The following PTPRT variants were observed in gnomAD, a reference collection of about 807,000 sequenced individuals.
PTPRT encodes receptor-type tyrosine-protein phosphatase T.
A neutral mutation model predicts 176.8 loss-of-function variants in PTPRT; 56 were observed. That is an observed-to-expected ratio of 0.32 (90% CI 0.26 to 0.40). The LOEUF (loss-of-function observed/expected upper bound fraction) is 0.40, where lower values mean the gene tolerates loss of function less well. PTPRT is among the 10% of genes least tolerant of loss of function. The pLI, the probability that PTPRT is intolerant of heterozygous loss-of-function variation, is 1.00. For missense variants in PTPRT, 1,540 were observed against 1,908.2 expected, an observed-to-expected ratio of 0.81 and a Z score of 3.60; for synonymous variants, 783 against 739.0, an observed-to-expected ratio of 1.06 and a Z score of -0.96.
chr20:42,329,908 T>C (rs1193610328), intron 11 of PTPRT, among the ~76,000 whole-genome samples: 1 of 152,136 alleles, frequency 6.6e-6, no homozygotes, highest in Non-Finnish European at 1.5e-5. Flanking sequence ...AATATGAAAA[T>C]ACTTTGAAAA....
At chr20:42,136,936 G>C (rs969188599) in intron 18 of PTPRT, among the ~76,000 whole-genome samples, 1 of 152,172 alleles carries the variant, frequency 6.6e-6, no homozygotes, top group African/African-American at 2.4e-5. Flanking sequence ...TAAGCAGAGA[G>C]GGAGCTGGGG....
chr20:42,715,992 C>T (rs920261979), intron 6 of PTPRT, among the ~76,000 whole-genome samples: 8 of 152,114 alleles, frequency 5.3e-5, no homozygotes, highest in African/African-American at 1.9e-4. Flanking sequence ...CCTAACACTG[C>T]TCTAAAAAAT....
chr20:42,057,576 A>G, the PTPRT span, among the ~76,000 whole-genome samples: 1 of 152,084 alleles, frequency 6.6e-6, no homozygotes, highest in Non-Finnish European at 1.5e-5. Context: ...TTGTTTAAGA[A>G]TGTTTCTAAT....
At chr20:42,085,545 CTA>C (rs1983801395) in intron 28 of PTPRT, among the ~76,000 whole-genome samples, 181 bp downstream of exon 28, 1 of 152,176 alleles carries the variant, frequency 6.6e-6, no homozygotes, top group Non-Finnish European at 1.5e-5. Context: ...CGTTGCATCT[CTA>C]TGTGTTGGAG....
intron 7 of PTPRT, among the ~76,000 whole-genome samples, chr20:42,598,194 G>C (rs1234961529): frequency 6.6e-6 from 1 of 151,158 alleles, no homozygotes; most frequent in Non-Finnish European, 1.5e-5. Context: ...GATGTATTAA[G>C]AGGAAATAGC....
chr20:43,106,827 G>C lies in PTPRT; in HGVS notation c.88+82819C>G, dbSNP rs999735753. 2.0e-5 allele frequency among the ~76,000 whole-genome samples: 3 copies of C among 151,846 alleles called. No individual in the cohort carries two copies. In the South Asian group the frequency reaches 6.2e-4, roughly 32 times the overall value. On this transcript the variant is annotated intron_variant, in intron 1 of 30. Coordinates refer to ENST00000373187, the MANE Select transcript of PTPRT (RefSeq NM_007050.6). ...TTTTTTGAAACGGAGTTTCGCTCTT[G>C]TTGCCTAGGCTAGAGTGCAATGGCA... is the stretch of plus-strand genomic sequence containing the variant.
intron 13 of PTPRT, among the ~76,000 whole-genome samples, chr20:42,272,234 A>G (rs927467696): frequency 6.6e-6 from 1 of 152,248 alleles, no homozygotes; most frequent in Non-Finnish European, 1.5e-5. Flanking sequence ...ATTGGAACAC[A>G]GCTGCACTCA....
chr20:42,427,073 T>C (rs73121645), intron 9 of PTPRT, among the ~76,000 whole-genome samples: 18,422 of 152,174 alleles, frequency 0.12, 1,128 homozygotes, highest in African/African-American at 0.15. Context: ...TCAGTAGCTT[T>C]TAGAAGAATT....
intron 7 of PTPRT, among the ~76,000 whole-genome samples, chr20:42,634,023 A>T (rs369321441): frequency 0.074 from 2,044 of 27,668 alleles, 120 homozygotes; most frequent in South Asian, 0.099. Flanking sequence ...TATATATATA[A>T]TATATATATT....
intron 1 of PTPRT, among the ~76,000 whole-genome samples, chr20:43,131,890 T>C (rs2013656006): frequency 6.6e-6 from 1 of 152,180 alleles, no homozygotes; most frequent in Non-Finnish European, 1.5e-5. Context: ...GTAAACATTT[T>C]ATAGTAAACT....
At chr20:42,267,408 T>C (rs1160950590) in intron 13 of PTPRT, among the ~76,000 whole-genome samples, 2 of 152,210 alleles carry the variant, frequency 1.3e-5, no homozygotes, top group Non-Finnish European at 2.9e-5. Flanking sequence ...TTGAGAAGGA[T>C]CCGTATTGAG....
At chr20:42,652,662 C>T (rs1368249147) in intron 7 of PTPRT, among the ~76,000 whole-genome samples, 4 of 152,118 alleles carry the variant, frequency 2.6e-5, no homozygotes, top group African/African-American at 9.7e-5. Context: ...GACATTGATG[C>T]CTATGGTGCC....
intron 4 of PTPRT, among the ~76,000 whole-genome samples, chr20:42,772,151 A>T (rs1346239947): frequency 6.6e-6 from 1 of 152,226 alleles, no homozygotes; most frequent in Non-Finnish European, 1.5e-5. Context: ...GAGGAAGACA[A>T]AGAGCGGAAG....
At chr20:42,206,240 C>T (rs914931903) in intron 15 of PTPRT, among the ~76,000 whole-genome samples, 1 of 152,192 alleles carries the variant, frequency 6.6e-6, no homozygotes. Context: ...AAAGGCTGAG[C>T]TACATCACAT....
At chr20:42,611,363 G>T (rs1479564456) in intron 7 of PTPRT, among the ~76,000 whole-genome samples, 2 of 152,148 alleles carry the variant, frequency 1.3e-5, no homozygotes, top group Non-Finnish European at 2.9e-5. Flanking sequence ...CCATCCTACT[G>T]GGTGGGGAGG....
At chr20:42,067,252 C>T in the PTPRT span, among the ~76,000 whole-genome samples, 327 of 152,236 alleles carry the variant, frequency 2.1e-3, 2 homozygotes, top group African/African-American at 3.6e-3. Context: ...AGAGCTGGTA[C>T]GGGGAGCTAG....
intron 12 of PTPRT, among the ~76,000 whole-genome samples, chr20:42,297,282 G>A (rs1438925409): frequency 1.3e-5 from 2 of 152,082 alleles, no homozygotes; most frequent in Non-Finnish European, 2.9e-5. Context: ...GAGGACATAA[G>A]GGTAGCAAAA....
intron 11 of PTPRT, among the ~76,000 whole-genome samples, chr20:42,341,222 G>T (rs985275812): frequency 6.6e-6 from 1 of 152,134 alleles, no homozygotes; most frequent in African/African-American, 2.4e-5. Context: ...CATCCAGGTT[G>T]CCTGGCCCTC....
At chr20:42,041,361 G>C in the PTPRT span, among the ~76,000 whole-genome samples, 2 of 152,204 alleles carry the variant, frequency 1.3e-5, no homozygotes, top group African/African-American at 2.4e-5. Context: ...GGGCTGAGAG[G>C]CTGGAATGGT....
Sources: allele counts gnomAD v4.1 joint callset (sites outside exome capture counted in the v4.1 genomes callset), GRCh38; gene constraint gnomAD v4.1.1; transcripts MANE v1.5; gene names NCBI Gene and HGNC (gene_info 2026-07-23, HGNC 2026-07-21).